COL22A1: variants seen among roughly 807,000 people sequenced by gnomAD.
The protein encoded by COL22A1 is collagen type XXII alpha 1 chain.
A neutral mutation model predicts 248.9 loss-of-function variants in COL22A1; 221 were observed. That is an observed-to-expected ratio of 0.89 (90% CI 0.80 to 0.99). COL22A1 has a LOEUF of 0.99. COL22A1 is among the 50% of genes least tolerant of loss of function. COL22A1 has a pLI of 0.00. For synonymous variants in COL22A1, 891 were observed against 793.4 expected, an observed-to-expected ratio of 1.12 and a Z score of -2.07; for missense variants, 2,240 against 2,179.0, an observed-to-expected ratio of 1.03 and a Z score of -0.56.
At chr8:138,660,670 C>G (rs1823743834) in intron 43 of COL22A1, among the ~76,000 whole-genome samples, 190 bp from the exon 44 acceptor site, 1 of 152,168 alleles carries the variant, frequency 6.6e-6, no homozygotes, top group Non-Finnish European at 1.5e-5. Flanking sequence ...CATGGCTTCC[C>G]AGGAAGAATT....
At chr8:138,899,104 T>C (rs1393246912) in intron 1 of COL22A1, among the ~76,000 whole-genome samples, 1 of 152,208 alleles carries the variant, frequency 6.6e-6, no homozygotes, top group Non-Finnish European at 1.5e-5. Context: ...ACACCACTCC[T>C]GCTGCTTTCT....
rs746488739 is a variant in COL22A1, at chr8:138,694,812, C to A, written c.2646+14G>T. 4 of 1,613,650 alleles carry A rather than the reference C, an allele frequency of 2.5e-6. No homozygotes were observed. The East Asian group carries it at 6.7e-5, about 27-fold the overall frequency. On this transcript the variant is annotated intron_variant, in intron 33 of 64. Transcript: ENST00000303045. ...TAACCAGCCCTGCGGGGGAAGGGGA[C>A]ACAAGAGACTCACCGGTTCCCCAGG...
At chr8:138,608,893 A>G (rs1587662874) in intron 56 of COL22A1, among the ~76,000 whole-genome samples, 2 of 152,172 alleles carry the variant, frequency 1.3e-5, no homozygotes, top group East Asian at 1.9e-4. Flanking sequence ...CGTTCTTTGG[A>G]TTTCCAGCCT....
chr8:138,633,694 G>A (rs758015238), intron 49 of COL22A1, among the ~76,000 whole-genome samples: 3 of 152,080 alleles, frequency 2.0e-5, no homozygotes, highest in East Asian at 1.9e-4. Context: ...ACTACTGATC[G>A]TATCAGCATC....
chr8:138,728,506 A>G (rs1830485744), intron 23 of COL22A1, among the ~76,000 whole-genome samples: 1 of 151,976 alleles, frequency 6.6e-6, no homozygotes, highest in African/African-American at 2.4e-5. Flanking sequence ...TGCTTTTTCA[A>G]AAAAGGTGAG....
chr8:138,763,417 T>A (rs1416165665), intron 16 of COL22A1, among the ~76,000 whole-genome samples: 1 of 151,936 alleles, frequency 6.6e-6, no homozygotes, highest in Admixed American at 6.6e-5. Context: ...AAGATCCCTA[T>A]GAGCAAGTCC....
intron 4 of COL22A1, among the ~76,000 whole-genome samples, chr8:138,838,245 G>C (rs1401981870): frequency 1.3e-5 from 2 of 152,142 alleles, no homozygotes; most frequent in African/African-American, 4.8e-5. Context: ...GAATCTCACA[G>C]AGGTGGGGTC....
intron 35 of COL22A1, among the ~76,000 whole-genome samples, chr8:138,692,463 ATGTGTG>A (rs145298366): frequency 0.086 from 11,582 of 135,408 alleles, 511 homozygotes; most frequent in African/African-American, 0.1. Flanking sequence ...GTGTGAGTGC[ATGTGTG>A]TGTGTGTGTG....
chr8:138,900,278 G>T (rs1284519885), intron 1 of COL22A1, among the ~76,000 whole-genome samples: 2 of 152,156 alleles, frequency 1.3e-5, no homozygotes, highest in Non-Finnish European at 2.9e-5. Flanking sequence ...ATAAAAAAGA[G>T]CTCTGGCCAT....
intron 4 of COL22A1, among the ~76,000 whole-genome samples, chr8:138,839,074 GCT>G (rs1271156179): frequency 1.3e-5 from 2 of 152,204 alleles, no homozygotes; most frequent in Non-Finnish European, 2.9e-5. Flanking sequence ...TAGATGGAGA[GCT>G]CTTTCAGGAA....
chr8:138,828,340 G>A (rs1819762459), intron 5 of COL22A1, among the ~76,000 whole-genome samples: 1 of 152,052 alleles, frequency 6.6e-6, no homozygotes, highest in Admixed American at 6.6e-5. Flanking sequence ...CTTGATGGCA[G>A]TAGCAACCCC....
At chr8:138,725,544 G>C in intron 23 of COL22A1, 104 bp from the exon 24 acceptor site, 1 of 899,146 alleles carries the variant, frequency 1.1e-6, no homozygotes, top group Non-Finnish European at 1.7e-6. Context: ...GGAGGATGAG[G>C]TGGGATTTTA....
chr8:138,764,330 C>A (rs16909580), intron 16 of COL22A1, among the ~76,000 whole-genome samples: 1 of 152,180 alleles, frequency 6.6e-6, no homozygotes, highest in East Asian at 1.9e-4. Flanking sequence ...TGGCTACCTG[C>A]GGAGTGGGTC....
intron 6 of COL22A1, 106 bp downstream of exon 6, chr8:138,826,552 G>T: frequency 8.1e-7 from 1 of 1,230,778 alleles, no homozygotes. Flanking sequence ...ATCTCTCTAG[G>T]CCCAGGGATA....
chr8:138,744,101 C>T (rs1042290752), intron 22 of COL22A1, among the ~76,000 whole-genome samples: 15 of 152,122 alleles, frequency 9.9e-5, no homozygotes, highest in African/African-American at 1.4e-4. Flanking sequence ...TGGCTTCATG[C>T]CATGAAATGA....
chr8:138,762,372 C>T (rs762385099), intron 17 of COL22A1, 41 bp downstream of exon 17: 33 of 1,602,056 alleles, frequency 2.1e-5, no homozygotes, highest in East Asian at 8.9e-5. Context: ...ATCCTCTGAC[C>T]GCTGATGAAA....
intron 45 of COL22A1, among the ~76,000 whole-genome samples, chr8:138,655,358 G>A (rs547398983): frequency 9.2e-5 from 14 of 151,972 alleles, no homozygotes; most frequent in Middle Eastern, 3.4e-3. Flanking sequence ...ATTTTTAATC[G>A]CATTTATTTA....
chr8:138,703,480 C>A, intron 30 of COL22A1, 133 bp from the exon 31 acceptor site: 1 of 698,688 alleles, frequency 1.4e-6, no homozygotes, highest in Non-Finnish European at 2.5e-6. Context: ...GGTAGGTGCA[C>A]CCTGCACCTA....
intron 42 of COL22A1, among the ~76,000 whole-genome samples, chr8:138,662,356 T>C (rs1824040582): frequency 6.6e-6 from 1 of 152,030 alleles, no homozygotes; most frequent in South Asian, 2.1e-4. Flanking sequence ...CTTGCTTGAG[T>C]GAAAGAGACA....
Sources: allele counts gnomAD v4.1 joint callset (sites outside exome capture counted in the v4.1 genomes callset), GRCh38; gene constraint gnomAD v4.1.1; transcripts MANE v1.5; gene names NCBI Gene and HGNC (gene_info 2026-07-23, HGNC 2026-07-21).